The following TRDN variants were observed in gnomAD, a reference collection of about 807,000 sequenced individuals.
The protein encoded by TRDN is triadin.
In TRDN, 161 loss-of-function variants were observed where a neutral mutation model predicts 149.7. The ratio of observed to expected loss-of-function variants is 1.08; its 90% CI spans 0.95 to 1.23. The LOEUF is 1.23. TRDN is among the 50% of genes most tolerant of loss of function. The pLI is 0.00. For missense variants in TRDN, 896 were observed against 823.5 expected (o/e 1.09, Z -1.08); for synonymous variants, 294 against 250.5 (o/e 1.17, Z -1.64).
chr6:123,587,803 A>G (rs972724881), intron 1 of TRDN, among the ~76,000 whole-genome samples: 7 of 151,550 alleles, frequency 4.6e-5, no homozygotes, highest in Non-Finnish European at 8.8e-5. Flanking sequence ...GGGGGTCACA[A>G]GGTACTCAGT....
chr6:123,476,748 T>C (rs2114756034), intron 9 of TRDN, among the ~76,000 whole-genome samples: 1 of 148,632 alleles, frequency 6.7e-6, no homozygotes, highest in Admixed American at 6.7e-5. Context: ...CCCTCAGAAA[T>C]AACGCCGCAT....
intron 5 of TRDN, among the ~76,000 whole-genome samples, chr6:123,524,287 TG>T (rs1388176383): frequency 6.6e-6 from 1 of 152,126 alleles, no homozygotes; most frequent in Admixed American, 6.6e-5. Context: ...GAAAGAAGTC[TG>T]TTAGTTACCT....
At chr6:123,548,267 T>C (rs1422009322) in intron 3 of TRDN, among the ~76,000 whole-genome samples, 187 bp downstream of exon 3, 3 of 152,030 alleles carry the variant, frequency 2.0e-5, no homozygotes, top group Non-Finnish European at 2.9e-5. Context: ...AGCTATAAGA[T>C]GAAAATTAAA....
intron 12 of TRDN, among the ~76,000 whole-genome samples, chr6:123,430,399 G>A (rs946858199): frequency 2.0e-5 from 3 of 150,994 alleles, no homozygotes; most frequent in African/African-American, 4.9e-5. Flanking sequence ...TGGCTAACAC[G>A]GTGAAACCCC....
At chr6:123,444,902 T>C (rs1775214251) in intron 10 of TRDN, 2 of 152,254 alleles carry the variant, frequency 1.3e-5, no homozygotes, top group Non-Finnish European at 2.9e-5. Context: ...CTTTTTGATG[T>C]GCTGATGGAT....
intron 1 of TRDN, among the ~76,000 whole-genome samples, chr6:123,598,839 T>C (rs192465258): frequency 2.0e-5 from 3 of 152,204 alleles, no homozygotes; most frequent in Non-Finnish European, 4.4e-5. Context: ...GTAAAAACTT[T>C]AAAAAGTATT....
At chr6:123,481,048 T>C (rs1056768884) in intron 9 of TRDN, among the ~76,000 whole-genome samples, 2 of 152,094 alleles carry the variant, frequency 1.3e-5, no homozygotes, top group African/African-American at 4.8e-5. Flanking sequence ...CTCTAACCAT[T>C]AAGAATACAA....
At chr6:123,425,708 G>T (rs1774091855) in intron 12 of TRDN, among the ~76,000 whole-genome samples, 1 of 152,086 alleles carries the variant, frequency 6.6e-6, no homozygotes, top group South Asian at 2.1e-4. Context: ...GAGTTGACAA[G>T]AACTGTGGTG....
rs572356017 is a variant in TRDN at position 123,318,999 on chromosome 6, C to T, written c.1472-2504G>A. ...CAAGTTCTTTTGGTGTATGAAGAGTCGGTTTTTGGGTTTTATAATCTGACT... is the reference window on the plus strand; with the variant it reads ...CAAGTTCTTTTGGTGTATGAAGAGTTGGTTTTTGGGTTTTATAATCTGACT... On this transcript the variant is annotated intron_variant, in intron 23 of 40. Transcript: ENST00000334268. 2.6e-5 allele frequency among the ~76,000 whole-genome samples: 4 copies of T among 152,008 alleles called. No homozygotes were observed. The East Asian group carries it at 5.8e-4, about 22-fold the overall frequency.
At position 123,515,915 on chromosome 6, in the gene TRDN, C is replaced by T. The variant is rs116661037; in HGVS notation, c.550+226G>A. ...TCAAAACTGCCAGAGGAAAAACTGA[C>T]GCAACATTTCTGGAAAGTTACCACT... On this transcript the variant is annotated intron_variant, in intron 6 of 40. Transcript: ENST00000334268. 3.1e-3 allele frequency among the ~76,000 whole-genome samples: 477 copies of T among 152,202 alleles called. 3 individuals carry two copies. Among genetic ancestry groups the T allele is most frequent in the African/African-American group, 0.011 (448 of 41,558 alleles).
intron 24 of TRDN, among the ~76,000 whole-genome samples, chr6:123,313,488 G>A (rs951191824): frequency 1.3e-5 from 2 of 151,770 alleles, no homozygotes; most frequent in Non-Finnish European, 2.9e-5. Flanking sequence ...GTTTGTTTTT[G>A]TTTTTCTTTT....
intron 5 of TRDN, 56 bp downstream of exon 5, chr6:123,530,450 T>C: frequency 9.3e-7 from 1 of 1,072,136 alleles, no homozygotes; most frequent in Non-Finnish European, 1.2e-6. Context: ...TTCTCGCATA[T>C]GAATACACAA....
At chr6:123,547,946 CCTT>C (rs1229042171) in intron 3 of TRDN, among the ~76,000 whole-genome samples, 3 of 151,940 alleles carry the variant, frequency 2.0e-5, no homozygotes, top group African/African-American at 4.8e-5. Context: ...TAGAATGTGT[CCTT>C]CTATTCTACA....
chr6:123,333,597 G>T (rs1779747541), intron 22 of TRDN, among the ~76,000 whole-genome samples: 1 of 151,950 alleles, frequency 6.6e-6, no homozygotes, highest in African/African-American at 2.4e-5. Flanking sequence ...GTCCTCAGGG[G>T]CTTTTGTCCC....
At chr6:123,480,852 G>A (rs1777717552) in intron 9 of TRDN, among the ~76,000 whole-genome samples, 1 of 151,920 alleles carries the variant, frequency 6.6e-6, no homozygotes, top group African/African-American at 2.4e-5. Flanking sequence ...TCCTATCTTT[G>A]CTGGTTGTTT....
chr6:123,372,750 T>C (rs1781369221), intron 19 of TRDN, among the ~76,000 whole-genome samples: 1 of 152,158 alleles, frequency 6.6e-6, no homozygotes, highest in Non-Finnish European at 1.5e-5. Flanking sequence ...GTTAAAGCCA[T>C]GAAGCACTCT....
intron 2 of TRDN, among the ~76,000 whole-genome samples, chr6:123,560,876 T>G (rs904738080): frequency 1.3e-5 from 2 of 152,298 alleles, no homozygotes; most frequent in African/African-American, 4.8e-5. Flanking sequence ...TCTCATTTCC[T>G]TTCCATCGTG....
intron 23 of TRDN, among the ~76,000 whole-genome samples, chr6:123,319,684 A>G (rs1027249167): frequency 1.3e-4 from 20 of 152,168 alleles, no homozygotes; most frequent in Middle Eastern, 3.4e-3. Context: ...TACAATATCT[A>G]ATTTCTGTAA....
chr6:123,332,098 A>G (rs1779680293), intron 22 of TRDN, among the ~76,000 whole-genome samples, 169 bp from the exon 23 acceptor site: 1 of 152,090 alleles, frequency 6.6e-6, no homozygotes, highest in Non-Finnish European at 1.5e-5. Context: ...ACAACAGTAT[A>G]GAATACAATA....
Sources: gnomAD v4.1 joint callset for allele counts (sites outside exome capture counted in the v4.1 genomes callset) on GRCh38, gnomAD v4.1.1 for gene constraint, MANE v1.5 for transcripts, NCBI Gene and HGNC (gene_info 2026-07-23, HGNC 2026-07-21) for gene names.